The following NARF variants were observed in gnomAD, a reference collection of about 807,000 sequenced individuals.
NARF encodes the protein nuclear prelamin A recognition factor.
NARF carries 41 observed loss-of-function variants against 48.0 expected under a neutral mutation model. The observed-to-expected ratio is 0.85, with a 90% CI of 0.66 to 1.11. The LOEUF (loss-of-function observed/expected upper bound fraction) is 1.11. NARF is among the 50% of genes least tolerant of loss of function. The pLI, the probability that NARF is intolerant of heterozygous loss-of-function variation, is 0.00. For missense variants in NARF, 613 were observed against 590.2 expected, an observed-to-expected ratio of 1.04 and a Z score of -0.40; for synonymous variants, 215 against 225.5, an observed-to-expected ratio of 0.95 and a Z score of 0.42.
chr17:82,459,177 C>G, intron 1 of NARF: 1 of 1,087,516 alleles, frequency 9.2e-7, no homozygotes, highest in Non-Finnish European at 1.1e-6. Flanking sequence ...GGGTTTTAGG[C>G]GTTTTCGAAC....
chr17:82,475,130 C>T (rs1028642169), intron 5 of NARF, among the ~76,000 whole-genome samples: 7 of 152,124 alleles, frequency 4.6e-5, no homozygotes, highest in Non-Finnish European at 1.0e-4. Context: ...CTGAGCCTGC[C>T]TCTGTGGTCC....
rs946658443 is a variant in NARF at position 82,489,033 on chromosome 17, T to C, written c.*876T>C. ...GTTTTTGCCAGAACATTAATAACTG[T>C]CAGCCTTTTAGAATCAGGAGACTTA... On this transcript the variant is annotated 3_prime_UTR_variant, in exon 11 of 11. Transcript: ENST00000309794. The C allele has an allele frequency of 6.5e-6, 1 of 152,754 alleles. No individual in the cohort carries two copies. The highest frequency in any genetic ancestry group is 1.5e-5 in the Non-Finnish European group (1 of 68,290). 9.5% of individuals were successfully genotyped at this position (152,754 alleles called of 1,614,324 possible).
intron 5 of NARF, among the ~76,000 whole-genome samples, chr17:82,475,251 C>G (rs578211975): frequency 6.6e-6 from 1 of 152,116 alleles, no homozygotes; most frequent in African/African-American, 2.4e-5. Context: ...AGGAAGAGGC[C>G]GTGTAAAATG....
chr17:82,480,392 T>C (rs2043935539), intron 6 of NARF: 1 of 401,954 alleles, frequency 2.5e-6, no homozygotes, highest in East Asian at 3.6e-5. Flanking sequence ...ACTTGTTTTG[T>C]CCCCATGTGC....
At position 82,488,175 on chromosome 17, in the gene NARF, C is replaced by T; in HGVS notation, c.*18C>T. The T allele has an allele frequency of 6.2e-7, 1 of 1,608,706 alleles. No individual in the cohort carries two copies. On this transcript the variant is annotated 3_prime_UTR_variant, in exon 11 of 11. Transcript: ENST00000309794. ...AGTGGTGAAGTCAGGCCAGGGCCTT[C>T]CAGCTGCTCTTGGGGCCAGAGCCAA...
intron 3 of NARF, among the ~76,000 whole-genome samples, chr17:82,465,432 T>C (rs897320725): frequency 6.6e-6 from 1 of 151,958 alleles, no homozygotes; most frequent in Non-Finnish European, 1.5e-5. Context: ...CCATTCACAG[T>C]AGGTAGTGTG....
Position 82,485,627 on chromosome 17 carries a change from T to C in NARF, c.1102T>C (p.Phe368Leu), listed in dbSNP as rs1254021190. Residue 368 changes from phenylalanine to leucine, a missense_variant, in exon 10 of 11, where the codon TTT (phenylalanine) becomes CTT (leucine). By Grantham distance (22) the Phe-to-Leu change is conservative. Transcript: ENST00000309794. ...TAAGAAGGGCAAGTTCCCATTCCAC[T>C]TTGTGGAGGTCCTCGCCTGTGCTGG... ...KLKKGKFPFH[F>L]VEVLACAGGC... 4 of 1,614,008 alleles carry C rather than the reference T, an allele frequency of 2.5e-6. No homozygotes were observed. The highest frequency in any genetic ancestry group is 3.4e-6 in the Non-Finnish European group (4 of 1,180,034).
Position 82,488,216 on chromosome 17 carries a change from G to T in NARF, c.*59G>T. ...CCAGAGCCAAGAGCCTCTCAGTAGAGGGAGGGGCTGCCCTGAGTGGAGTAT... is the reference window on the plus strand; with the variant it reads ...CCAGAGCCAAGAGCCTCTCAGTAGATGGAGGGGCTGCCCTGAGTGGAGTAT... On this transcript the variant is annotated 3_prime_UTR_variant, in exon 11 of 11. Transcript: ENST00000309794. The T allele has an allele frequency of 6.3e-7, 1 of 1,584,736 alleles. No homozygotes were observed.
intron 3 of NARF, among the ~76,000 whole-genome samples, chr17:82,468,159 A>G (rs573256252): frequency 2.6e-4 from 39 of 152,182 alleles, no homozygotes; most frequent in Non-Finnish European, 4.4e-4. Flanking sequence ...AAAAGACAAA[A>G]AATTAGCTGG....
At chr17:82,485,676 C>G in intron 10 of NARF, 22 bp downstream of exon 10, 1 of 1,612,736 alleles carries the variant, frequency 6.2e-7, no homozygotes. Flanking sequence ...AGAGCAGCAC[C>G]TGGCTCTGTC....
In NARF at chr17:82,488,012, T is replaced by C. The variant is rs139497472; in HGVS notation, c.1226T>C (p.Val409Ala). ...QMEGIYADIP[V>A]RRPESSAHVQ... ...GAAGGCATTTACGCTGACATCCCTGTGCGGCGTCCGGAGTCCAGTGCACAC... is the reference window on the plus strand; with the variant it reads ...GAAGGCATTTACGCTGACATCCCTGCGCGGCGTCCGGAGTCCAGTGCACAC... The change falls in exon 11 of 11, where the codon GTG becomes GCG. Residue 409 changes from valine to alanine, a missense_variant. Val to Ala is a moderately conservative substitution (Grantham distance 64, BLOSUM62 0). Coordinates refer to ENST00000309794, the MANE Select transcript of NARF (RefSeq NM_012336.4). 12 of 1,614,050 alleles carry C rather than the reference T, an allele frequency of 7.4e-6. No individual in the cohort carries two copies. The highest frequency in any genetic ancestry group is 1.0e-5 in the Non-Finnish European group (12 of 1,180,044).
rs564748721 is a variant in NARF, at chr17:82,484,770, C to A, written c.834-43C>A. The A allele has an allele frequency of 1.9e-6, 3 of 1,543,702 alleles. No homozygotes were observed. The South Asian group carries it at 3.8e-5, about 19-fold the overall frequency. On this transcript the variant is annotated intron_variant, in intron 8 of 10. Transcript: ENST00000309794. ...TGGTTTCACTCTTTCTGTCACTGTA[C>A]GTCAGCATTCATGAAGGACTTGTAT...
chr17:82,481,337 A>C, intron 7 of NARF, 126 bp downstream of exon 7: 1 of 1,418,184 alleles, frequency 7.1e-7, no homozygotes, highest in Non-Finnish European at 9.5e-7. Context: ...GCTTGTCTGA[A>C]GTTACTGACA....
upstream of NARF, chr17:82,458,461 A>G (rs895253492): frequency 1.1e-4 from 30 of 284,410 alleles, no homozygotes; most frequent in African/African-American, 6.2e-4. Flanking sequence ...CCGCCGCAGG[A>G]CCCACGAGAA....
chr17:82,481,132 CAAG>C lies in NARF; in HGVS notation c.694_696del (p.Lys232del). The stretch of plus-strand genomic sequence containing the variant: ...ACGTCATTGTGGCCCCTTGTTATGA[CAAG>C]AAGCTGGAGGCTCTTCAGGAAAGCC... On this transcript the variant is annotated inframe_deletion, in exon 7 of 11. Transcript: ENST00000309794. 1 of 1,614,096 alleles carries C rather than the reference CAAG, an allele frequency of 6.2e-7. No homozygotes were observed. Among genetic ancestry groups the C allele is most frequent in the Non-Finnish European group, 8.5e-7 (1 of 1,180,016 alleles).
chr17:82,464,409 C>T lies in NARF; in HGVS notation c.231C>T (p.Phe77=). 6.2e-7 allele frequency: 1 copy of T among 1,613,808 alleles called. No individual in the cohort carries two copies. The highest frequency in any genetic ancestry group is 1.7e-5 in the Admixed American group (1 of 59,956). The change falls in exon 3 of 11, where the codon TTC becomes TTT. Residue 77 remains phenylalanine, a synonymous_variant. Coordinates refer to ENST00000309794, the MANE Select transcript of NARF (RefSeq NM_012336.4). ...QLSQQNAKDF[F]RVLNLNKKCD... ...CCCAGCAAAATGCCAAGGACTTCTT[C>T]CGCGTTCTGAACCTTAACAAGGTAA...
At chr17:82,481,754 C>G in intron 7 of NARF, 1 of 431,110 alleles carries the variant, frequency 2.3e-6, no homozygotes, top group Non-Finnish European at 4.6e-6. Context: ...AAAGATAAAT[C>G]AGGTCCTGGG....
chr17:82,490,449 ATTGTGT>A lies in NARF; in HGVS notation c.*2294_*2299del, dbSNP rs2044175667. The A allele has an allele frequency of 6.6e-6, 1 of 152,198 alleles. No homozygotes were observed. The highest frequency in any genetic ancestry group is 1.5e-5 in the Non-Finnish European group (1 of 68,068). 9.4% of individuals were successfully genotyped at this position (152,198 alleles called of 1,614,324 possible). A position where few individuals can be genotyped will look rare whatever the true frequency, so the allele number is the denominator to read the frequency against. On this transcript the variant is annotated 3_prime_UTR_variant, in exon 11 of 11. Transcript: ENST00000309794. ...CCTGTCTTGCTGGATAACTGCATATATTGTGTTCAGTTGTGTATTTGTTTTGCTTTC... is the reference window on the plus strand; with the variant it reads ...CCTGTCTTGCTGGATAACTGCATATATCAGTTGTGTATTTGTTTTGCTTTC...
intron 6 of NARF, among the ~76,000 whole-genome samples, chr17:82,479,542 T>C (rs1479352143): frequency 2.6e-5 from 4 of 152,154 alleles, no homozygotes; most frequent in South Asian, 2.1e-4. Flanking sequence ...CTCCCTGATG[T>C]CTCCAAGGCC....
Sources: gnomAD v4.1 joint callset for allele counts (sites outside exome capture counted in the v4.1 genomes callset) on GRCh38, gnomAD v4.1.1 for gene constraint, MANE v1.5 for transcripts, NCBI Gene and HGNC (gene_info 2026-07-23, HGNC 2026-07-21) for gene names.